The following CDH20 variants were observed in gnomAD, a reference collection of about 807,000 sequenced individuals.
The protein encoded by CDH20 is cadherin 20.
A neutral mutation model predicts 74.2 loss-of-function variants in CDH20; 29 were observed. That is an observed-to-expected ratio of 0.39 (90% CI 0.29 to 0.53). CDH20 has a LOEUF of 0.53. Ranked by LOEUF, CDH20 falls within the 20% of genes least tolerant of loss-of-function variation. The pLI, the probability that CDH20 is intolerant of heterozygous loss-of-function variation, is 0.69. For synonymous variants in CDH20, 469 were observed against 405.4 expected (o/e 1.16, Z -1.88); for missense variants, 988 against 1,048.3 (o/e 0.94, Z 0.79).
chr18:61,422,849 C>T (rs1647476584), intron 1 of CDH20, among the ~76,000 whole-genome samples: 3 of 151,960 alleles, frequency 2.0e-5, no homozygotes, highest in African/African-American at 7.2e-5. Context: ...ATAAATAAAA[C>T]TGTCCATGAC....
intron 1 of CDH20, among the ~76,000 whole-genome samples, chr18:61,451,286 G>A (rs1384406029): frequency 6.6e-6 from 1 of 151,954 alleles, no homozygotes; most frequent in Non-Finnish European, 1.5e-5. Flanking sequence ...CTTGTAAAAT[G>A]TAGCCATTAT....
chr18:61,492,624 C>T (rs1205514632), intron 2 of CDH20, among the ~76,000 whole-genome samples: 1 of 152,170 alleles, frequency 6.6e-6, no homozygotes. Context: ...TTTGACAGTT[C>T]CTACAACCTG....
At chr18:61,531,346 G>T (rs1912631732) in intron 7 of CDH20, among the ~76,000 whole-genome samples, 2 of 152,164 alleles carry the variant, frequency 1.3e-5, no homozygotes, top group African/African-American at 4.8e-5. Flanking sequence ...CTTTCTCATA[G>T]GCTGCCTCTC....
At chr18:61,491,141 A>G (rs1910947250) in intron 2 of CDH20, among the ~76,000 whole-genome samples, 1 of 152,236 alleles carries the variant, frequency 6.6e-6, no homozygotes, top group Non-Finnish European at 1.5e-5. Context: ...TGGAAATACA[A>G]GAAGAGTACA....
intron 7 of CDH20, among the ~76,000 whole-genome samples, chr18:61,533,490 G>T (rs528585523): frequency 6.6e-6 from 1 of 152,100 alleles, no homozygotes; most frequent in Admixed American, 6.5e-5. Flanking sequence ...TTAAAAACAG[G>T]ATTGTTTTCT....
intron 1 of CDH20, among the ~76,000 whole-genome samples, chr18:61,489,105 C>A (rs765221216): frequency 6.6e-6 from 1 of 152,234 alleles, no homozygotes; most frequent in Non-Finnish European, 1.5e-5. Context: ...ATTCTATAGT[C>A]TCCTCAGCTA....
chr18:61,466,271 G>A (rs1909959077), intron 1 of CDH20, among the ~76,000 whole-genome samples: 1 of 151,922 alleles, frequency 6.6e-6, no homozygotes, highest in African/African-American at 2.4e-5. Flanking sequence ...AACAATTCCT[G>A]TTAGTATAGT....
intron 1 of CDH20, among the ~76,000 whole-genome samples, chr18:61,347,809 G>A (rs979167405): frequency 1.2e-4 from 19 of 152,104 alleles, no homozygotes; most frequent in African/African-American, 4.3e-4. Flanking sequence ...AATGCCATAT[G>A]TAAGTTTTTA....
intron 1 of CDH20, among the ~76,000 whole-genome samples, chr18:61,382,663 G>A (rs1599048541): frequency 6.6e-6 from 1 of 152,086 alleles, no homozygotes; most frequent in Admixed American, 6.6e-5. Context: ...ATTCATACTT[G>A]GTGATGGTAC....
chr18:61,458,780 G>T (rs139728323), intron 1 of CDH20, among the ~76,000 whole-genome samples: 27 of 152,360 alleles, frequency 1.8e-4, no homozygotes, highest in African/African-American at 6.5e-4. Context: ...TGTTTGTTGT[G>T]TGGGAAGGTG....
At chr18:61,378,522 C>A (rs761378597) in intron 1 of CDH20, among the ~76,000 whole-genome samples, 1 of 152,138 alleles carries the variant, frequency 6.6e-6, no homozygotes, top group Non-Finnish European at 1.5e-5. Context: ...ACTCAGTCTA[C>A]GGGCTCAGAT....
At chr18:61,460,965 A>G (rs961320353) in intron 1 of CDH20, among the ~76,000 whole-genome samples, 4 of 152,142 alleles carry the variant, frequency 2.6e-5, no homozygotes, top group African/African-American at 9.7e-5. Flanking sequence ...ATCTCAGGTA[A>G]TAAGTACTAA....
chr18:61,512,056 G>T (rs116309778), intron 6 of CDH20, among the ~76,000 whole-genome samples: 379 of 152,216 alleles, frequency 2.5e-3, no homozygotes, highest in African/African-American at 8.6e-3. Flanking sequence ...ATATAAAATT[G>T]AAACAAAAGT....
chr18:61,404,133 T>C (rs748869542), intron 1 of CDH20, among the ~76,000 whole-genome samples: 23 of 152,326 alleles, frequency 1.5e-4, no homozygotes, highest in Non-Finnish European at 2.8e-4. Flanking sequence ...GCTTAATACC[T>C]ATGATGGATT....
At chr18:61,519,948 CAAA>C (rs35503974) in intron 6 of CDH20, among the ~76,000 whole-genome samples, 22,996 of 127,938 alleles carry the variant, frequency 0.18, 2,588 homozygotes, top group African/African-American at 0.31. Context: ...AAATGGAAAG[CAAA>C]AAAAAAAAAA....
intron 1 of CDH20, among the ~76,000 whole-genome samples, chr18:61,385,273 G>A (rs1185523917): frequency 2.6e-5 from 4 of 152,116 alleles, no homozygotes; most frequent in African/African-American, 9.7e-5. Context: ...GAGACTGTCA[G>A]TAAGCTCTTG....
At chr18:61,428,211 G>A (rs891925606) in intron 1 of CDH20, among the ~76,000 whole-genome samples, 1 of 152,158 alleles carries the variant, frequency 6.6e-6, no homozygotes, top group Non-Finnish European at 1.5e-5. Context: ...AGTATAGGGT[G>A]GGGAGGTGTC....
intron 1 of CDH20, among the ~76,000 whole-genome samples, chr18:61,347,319 TACACACACACACACACACACAC>T (rs33985303): frequency 1.3e-5 from 1 of 77,406 alleles, no homozygotes; most frequent in African/African-American, 5.8e-5. Context: ...TATATATATA[TACACACACACACACACACACAC>T]ACACACACAC....
chr18:61,542,378 G>C (rs948505190), intron 9 of CDH20, among the ~76,000 whole-genome samples: 1 of 152,206 alleles, frequency 6.6e-6, no homozygotes, highest in African/African-American at 2.4e-5. Context: ...CCCTGAGATG[G>C]AGTTCCAGTA....
Sources: allele counts gnomAD v4.1 joint callset (sites outside exome capture counted in the v4.1 genomes callset), GRCh38; gene constraint gnomAD v4.1.1; transcripts MANE v1.5; gene names NCBI Gene and HGNC (gene_info 2026-07-23, HGNC 2026-07-21).